SMAD6: variants seen among roughly 807,000 people sequenced by gnomAD.
SMAD6 encodes the protein SMAD family member 6.
In SMAD6, 103 loss-of-function variants were observed where a neutral mutation model predicts 39.4. That is an observed-to-expected ratio of 2.62 (90% confidence interval 2.23 to 3.08). SMAD6 has a LOEUF of 3.08. Ranked by LOEUF, SMAD6 falls within the 30% of genes most tolerant of loss-of-function variation. The probability of loss-of-function intolerance (pLI) is 0.00; values close to 1 mark genes in which losing one functional copy is unlikely to be tolerated. For synonymous variants in SMAD6, 445 were observed against 353.3 expected, an observed-to-expected ratio of 1.26 and a Z score of -2.91; for missense variants, 1,104 against 742.9, an observed-to-expected ratio of 1.49 and a Z score of -5.65.
intron 1 of SMAD6, among the ~76,000 whole-genome samples, chr15:66,709,473 A>G (rs1893185770): frequency 6.6e-6 from 1 of 152,210 alleles, no homozygotes; most frequent in South Asian, 2.1e-4. Context: ...CCAGGTAAGC[A>G]GCCCCTGGAA....
intron 3 of SMAD6, among the ~76,000 whole-genome samples, chr15:66,770,230 A>G (rs1029652784): frequency 6.6e-6 from 1 of 152,022 alleles, no homozygotes; most frequent in African/African-American, 2.4e-5. Flanking sequence ...CAAAGGGCCA[A>G]TTTTGTCTCT....
chr15:66,708,728 A>T (rs1042559335), intron 1 of SMAD6: 4 of 471,714 alleles, frequency 8.5e-6, no homozygotes, highest in African/African-American at 8.0e-5. Context: ...GCAAACCCAT[A>T]GAGACACAAA....
intron 3 of SMAD6, among the ~76,000 whole-genome samples, chr15:66,730,960 A>G (rs910381614): frequency 6.6e-6 from 1 of 152,232 alleles, no homozygotes; most frequent in African/African-American, 2.4e-5. Flanking sequence ...GTGAGCTCAG[A>G]GACTGGGTGG....
intron 3 of SMAD6, among the ~76,000 whole-genome samples, chr15:66,761,024 G>A (rs1281515199): frequency 1.3e-5 from 2 of 152,204 alleles, no homozygotes; most frequent in African/African-American, 4.8e-5. Context: ...ACCTCCAGGG[G>A]CGGGGCCTGG....
At chr15:66,733,888 A>T (rs1443989911) in intron 3 of SMAD6, among the ~76,000 whole-genome samples, 1 of 152,130 alleles carries the variant, frequency 6.6e-6, no homozygotes, top group Non-Finnish European at 1.5e-5. Flanking sequence ...GCAGGATGGG[A>T]GATTTGGAGG....
chr15:66,770,061 C>T (rs966570480), intron 3 of SMAD6, among the ~76,000 whole-genome samples: 2 of 152,234 alleles, frequency 1.3e-5, no homozygotes, highest in Admixed American at 1.3e-4. Flanking sequence ...CTCCTGACCT[C>T]AGGCAATCCA....
intron 3 of SMAD6, among the ~76,000 whole-genome samples, chr15:66,762,225 T>A (rs1227925021): frequency 6.6e-6 from 1 of 152,218 alleles, no homozygotes; most frequent in Non-Finnish European, 1.5e-5. Context: ...GACTCCCCCG[T>A]TATTTTCTCC....
In SMAD6 at chr15:66,703,954, G is replaced by A. The variant is rs759094719; in HGVS notation, c.696G>A (p.Trp232Ter). Residue 232 changes from tryptophan to a stop codon, truncating the protein, a stop_gained, in exon 1 of 4, where the codon TGG (tryptophan) becomes TGA (stop). Coordinates refer to ENST00000288840, the MANE Select transcript of SMAD6 (RefSeq NM_005585.5). LOFTEE classifies it high-confidence loss of function. Reference sequence around the variant, plus strand: ...TGCTGCTCGGCCGCCTCTTTCGCTGGCCCGACCTGCAGCACGCCGTGGAGC... The same window carrying A: ...TGCTGCTCGGCCGCCTCTTTCGCTGACCCGACCTGCAGCACGCCGTGGAGC... Reference protein sequence around the residue: ...PQLLLGRLFRWPDLQHAVELK... With the variant: ...PQLLLGRLFR The A allele has an allele frequency of 3.5e-6, 5 of 1,426,288 alleles. No individual in the cohort carries two copies. The highest frequency in any genetic ancestry group is 3.7e-6 in the Non-Finnish European group (4 of 1,089,570). The allele number at this position is 1,426,288 out of a possible 1,614,324, so 88.4% of individuals were successfully genotyped here. A position where few individuals can be genotyped will look rare whatever the true frequency, so the allele number is the denominator to read the frequency against.
intron 3 of SMAD6, among the ~76,000 whole-genome samples, chr15:66,742,870 G>A (rs1054392830): frequency 1.3e-5 from 2 of 152,252 alleles, no homozygotes; most frequent in Middle Eastern, 6.8e-3. Context: ...GGGCTTGGGT[G>A]CTCTTACTGG....
rs1246889300 is a variant in SMAD6 at position 66,703,300 on chromosome 15, G to A, written c.42G>A (p.Trp14Ter). Reference protein sequence around the residue: ...SKRSGLVRRLWRSRVVPDREE... With the variant: ...SKRSGLVRRL Reference sequence around the variant, plus strand: ...GCTCGGGGCTGGTGCGGCGACTTTGGCGAAGTCGTGTGGTCCCCGACCGGG... The same window carrying A: ...GCTCGGGGCTGGTGCGGCGACTTTGACGAAGTCGTGTGGTCCCCGACCGGG... The change falls in exon 1 of 4, where the codon TGG becomes TGA. Residue 14 changes from tryptophan (W) to a stop codon, truncating the protein, a stop_gained. Coordinates refer to ENST00000288840, the MANE Select transcript of SMAD6 (RefSeq NM_005585.5). LOFTEE classifies it high-confidence loss of function. 2.0e-6 allele frequency: 3 copies of A among 1,492,068 alleles called. No individual in the cohort carries two copies. The highest frequency in any genetic ancestry group is 8.9e-7 in the Non-Finnish European group (1 of 1,120,370). 92.4% of individuals were successfully genotyped at this position (1,492,068 alleles called of 1,614,324 possible).
intron 3 of SMAD6, among the ~76,000 whole-genome samples, chr15:66,735,735 C>T (rs1893701611): frequency 6.6e-6 from 1 of 152,156 alleles, no homozygotes; most frequent in Non-Finnish European, 1.5e-5. Context: ...GTGTGGGGCC[C>T]AGCCCTTTGT....
At chr15:66,727,481 C>G (rs1893542914) in intron 3 of SMAD6, among the ~76,000 whole-genome samples, 1 of 152,164 alleles carries the variant, frequency 6.6e-6, no homozygotes, top group Non-Finnish European at 1.5e-5. Context: ...TTTGAAGGTG[C>G]AAGGTTTCAC....
intron 3 of SMAD6, among the ~76,000 whole-genome samples, chr15:66,756,097 T>C (rs1329531481): frequency 1.3e-5 from 2 of 152,274 alleles, no homozygotes; most frequent in South Asian, 4.1e-4. Context: ...TTTTCCTCCT[T>C]CTTCCCCACA....
intron 2 of SMAD6, among the ~76,000 whole-genome samples, chr15:66,715,182 A>G (rs1294029501): frequency 6.6e-6 from 1 of 151,824 alleles, no homozygotes; most frequent in Non-Finnish European, 1.5e-5. Context: ...GCTTTTTCAT[A>G]AACAAAAAGC....
At chr15:66,770,408 A>G (rs1894360656) in intron 3 of SMAD6, among the ~76,000 whole-genome samples, 1 of 152,170 alleles carries the variant, frequency 6.6e-6, no homozygotes, top group African/African-American at 2.4e-5. Flanking sequence ...TTTGGCCATA[A>G]GCAGTGCAGA....
At chr15:66,751,989 TTTA>T (rs1812519928) in intron 3 of SMAD6, among the ~76,000 whole-genome samples, 1 of 152,122 alleles carries the variant, frequency 6.6e-6, no homozygotes, top group Non-Finnish European at 1.5e-5. Context: ...TAAGGTATGT[TTTA>T]TTATAGTTGC....
At chr15:66,730,965 G>A (rs964934118) in intron 3 of SMAD6, among the ~76,000 whole-genome samples, 2 of 152,232 alleles carry the variant, frequency 1.3e-5, no homozygotes, top group African/African-American at 4.8e-5. Flanking sequence ...CTCAGAGACT[G>A]GGTGGAGAAA....
At chr15:66,715,336 C>T (rs1893307739) in intron 2 of SMAD6, among the ~76,000 whole-genome samples, 1 of 151,476 alleles carries the variant, frequency 6.6e-6, no homozygotes. Context: ...TCTTCCTGCT[C>T]CCCAAGCCAT....
chr15:66,717,244 TGA>T, intron 3 of SMAD6: 5 of 725,768 alleles, frequency 6.9e-6, no homozygotes, highest in Non-Finnish European at 1.1e-5. Context: ...TGGCTGGGAC[TGA>T]CAGCCCCTCA....
Sources: gnomAD v4.1 joint callset for allele counts (sites outside exome capture counted in the v4.1 genomes callset) on GRCh38, gnomAD v4.1.1 for gene constraint, MANE v1.5 for transcripts, NCBI Gene and HGNC (gene_info 2026-07-23, HGNC 2026-07-21) for gene names.